GUCY1A1: variants seen among roughly 807,000 people sequenced by gnomAD.
GUCY1A1 encodes guanylate cyclase 1 soluble subunit alpha 1.
Under a neutral mutation model 64.5 loss-of-function variants are expected in GUCY1A1, and 48 were observed. That is an observed-to-expected ratio of 0.74 (90% CI 0.59 to 0.95). The LOEUF (loss-of-function observed/expected upper bound fraction) is 0.95, where lower values mean the gene tolerates loss of function less well. GUCY1A1 is among the 40% of genes least tolerant of loss of function. GUCY1A1 has a pLI of 0.00. For missense variants in GUCY1A1, 804 were observed against 825.3 expected, an observed-to-expected ratio of 0.97 and a Z score of 0.32; for synonymous variants, 308 against 303.4, an observed-to-expected ratio of 1.02 and a Z score of -0.16.
At position 155,736,388 on chromosome 4, in the gene GUCY1A1, A is replaced by G. The variant is rs1263023110; in HGVS notation, c.*6157A>G. The G allele has an allele frequency of 6.6e-6, 1 of 151,996 alleles. No homozygotes were observed. The highest frequency in any genetic ancestry group is 2.4e-5 in the African/African-American group (1 of 41,420). 9.4% of individuals were successfully genotyped at this position (151,996 alleles called of 1,614,324 possible). A position where few individuals can be genotyped will look rare whatever the true frequency, so the allele number is the denominator to read the frequency against. ...GACTATCACCCCTCCAAAAATGTGC[A>G]TATGGCCCCATACAAGACACATGTA... On this transcript the variant is annotated 3_prime_UTR_variant, in exon 10 of 10. Coordinates refer to ENST00000506455, the MANE Select transcript of GUCY1A1 (RefSeq NM_001130682.3).
At position 155,736,212 on chromosome 4, in the gene GUCY1A1, T is replaced by C. The variant is rs896675577; in HGVS notation, c.*5981T>C. 2 of 151,990 alleles carry C rather than the reference T, an allele frequency of 1.3e-5. No homozygotes were observed. Among genetic ancestry groups the C allele is most frequent in the Admixed American group, 1.3e-4 (2 of 15,228 alleles). The allele number at this position is 151,990 out of a possible 1,614,324, so 9.4% of individuals were successfully genotyped here. ...CATATACTACATATTAGGACAGCTT[T>C]TCTTTTCTAAATGAGCATGAATATA... is the stretch of plus-strand genomic sequence containing the variant. On this transcript the variant is annotated 3_prime_UTR_variant, in exon 10 of 10. Coordinates refer to ENST00000506455, the MANE Select transcript of GUCY1A1 (RefSeq NM_001130682.3).
In GUCY1A1 at chr4:155,731,409, A is replaced by C. The variant is rs1219947312; in HGVS notation, c.*1178A>C. On this transcript the variant is annotated 3_prime_UTR_variant, in exon 10 of 10. Coordinates refer to ENST00000506455, the MANE Select transcript of GUCY1A1 (RefSeq NM_001130682.3). Reference sequence around the variant, plus strand: ...TATGAAGTGTTTTTATTCTACTTGAAATATCTTGACTTAAAAAAAACGACT... The same window carrying C: ...TATGAAGTGTTTTTATTCTACTTGACATATCTTGACTTAAAAAAAACGACT... 6.6e-6 allele frequency: 1 copy of C among 151,814 alleles called. No individual in the cohort carries two copies. Among genetic ancestry groups the C allele is most frequent in the East Asian group, 1.9e-4 (1 of 5,156 alleles). 9.4% of individuals were successfully genotyped at this position (151,814 alleles called of 1,614,324 possible). A position where few individuals can be genotyped will look rare whatever the true frequency, so the allele number is the denominator to read the frequency against.
At position 155,675,460 on chromosome 4, in the gene GUCY1A1, A is replaced by G. The variant is rs1199451698; in HGVS notation, c.-113+8041A>G. 6.6e-5 allele frequency among the ~76,000 whole-genome samples: 10 copies of G among 151,732 alleles called. No individual in the cohort carries two copies. The East Asian group carries it at 1.3e-3, about 20-fold the overall frequency. On this transcript the variant is annotated intron_variant, in intron 2 of 9. Coordinates refer to ENST00000506455, the MANE Select transcript of GUCY1A1 (RefSeq NM_001130682.3). Reference sequence around the variant, plus strand: ...TCCATATATTAGATTAGCACTATACATTTGTAAATATGATTAGCAAAAGGC... The same window carrying G: ...TCCATATATTAGATTAGCACTATACGTTTGTAAATATGATTAGCAAAAGGC...
intron 5 of GUCY1A1, among the ~76,000 whole-genome samples, chr4:155,709,535 T>A (rs1189635294): frequency 6.6e-6 from 1 of 152,102 alleles, no homozygotes; most frequent in African/African-American, 2.4e-5. Flanking sequence ...CAGAAAGTAC[T>A]AAAAAAACTG....
Position 155,710,903 on chromosome 4 carries a change from G to C in GUCY1A1, c.738G>C (p.Glu246Asp). 6.2e-7 allele frequency: 1 copy of C among 1,614,050 alleles called. No individual in the cohort carries two copies. Among genetic ancestry groups the C allele is most frequent in the Non-Finnish European group, 8.5e-7 (1 of 1,179,914 alleles). The change falls in exon 6 of 10, where the codon GAG becomes GAC. Residue 246 changes from glutamate (E) to aspartate (D), a missense_variant. By Grantham distance (45) the Glu-to-Asp change is conservative (BLOSUM62 2). Coordinates refer to ENST00000506455, the MANE Select transcript of GUCY1A1 (RefSeq NM_001130682.3). ...CCTGCTTCCATAATGATTGCAGCGA[G>C]TTTGTGAATCAGCCCTACTTGTTGT... ...MPPCFHNDCS[E>D]FVNQPYLLYS...
rs1304618116 is a variant in GUCY1A1 at position 155,735,000 on chromosome 4, G to C, written c.*4769G>C. The stretch of plus-strand genomic sequence containing the variant: ...GTTTTCTTCTGTTCTTAGCACGTCA[G>C]CTAGTAGATCTTTGATGAACTGTTG... On this transcript the variant is annotated 3_prime_UTR_variant, in exon 10 of 10. Coordinates refer to ENST00000506455, the MANE Select transcript of GUCY1A1 (RefSeq NM_001130682.3). 6.6e-6 allele frequency: 1 copy of C among 151,898 alleles called. No individual in the cohort carries two copies. Among genetic ancestry groups the C allele is most frequent in the Non-Finnish European group, 1.5e-5 (1 of 67,908 alleles). The allele number at this position is 151,898 out of a possible 1,614,324, so 9.4% of individuals were successfully genotyped here.
At chr4:155,685,518 G>T (rs533376088) in intron 2 of GUCY1A1, among the ~76,000 whole-genome samples, 7 of 151,766 alleles carry the variant, frequency 4.6e-5, no homozygotes, top group African/African-American at 1.7e-4. Context: ...AGCTTTGTCT[G>T]ACCCTCTCAG....
chr4:155,691,478 TCA>T (rs777947313), intron 2 of GUCY1A1, among the ~76,000 whole-genome samples: 1 of 152,250 alleles, frequency 6.6e-6, no homozygotes, highest in Non-Finnish European at 1.5e-5. Context: ...TTCTAAGTTT[TCA>T]GTCTACCTGA....
intron 9 of GUCY1A1, among the ~76,000 whole-genome samples, chr4:155,724,944 T>C (rs1030443820): frequency 3.3e-5 from 5 of 151,946 alleles, no homozygotes; most frequent in Non-Finnish European, 5.9e-5. Context: ...AGCTTACCAA[T>C]CACCTTAAAA....
intron 9 of GUCY1A1, among the ~76,000 whole-genome samples, chr4:155,729,712 C>G (rs1735285221): frequency 6.6e-6 from 1 of 151,840 alleles, no homozygotes; most frequent in Non-Finnish European, 1.5e-5. Flanking sequence ...TGTGTGAATA[C>G]TTTGCTACTA....
chr4:155,688,271 G>T (rs1729279967), intron 2 of GUCY1A1, among the ~76,000 whole-genome samples: 1 of 151,762 alleles, frequency 6.6e-6, no homozygotes, highest in African/African-American at 2.4e-5. Flanking sequence ...CATTACAGAA[G>T]AGGGAAAATA....
chr4:155,718,281 A>G (rs116059601), intron 8 of GUCY1A1, among the ~76,000 whole-genome samples: 1,704 of 152,282 alleles, frequency 0.011, 18 homozygotes, highest in Middle Eastern at 0.02. Flanking sequence ...ATTTAAAAAC[A>G]AAACTATATT....
chr4:155,711,918 A>G (rs958742318), intron 6 of GUCY1A1, among the ~76,000 whole-genome samples: 1 of 152,222 alleles, frequency 6.6e-6, no homozygotes, highest in African/African-American at 2.4e-5. Flanking sequence ...ATATATTGAG[A>G]TGTTTAAAAA....
chr4:155,717,094 A>T, intron 7 of GUCY1A1, 65 bp from the exon 8 acceptor site: 2 of 1,141,584 alleles, frequency 1.8e-6, no homozygotes, highest in South Asian at 2.3e-5. Context: ...AATTTCTTCT[A>T]TCCGATGTAG....
intron 2 of GUCY1A1, among the ~76,000 whole-genome samples, chr4:155,691,339 T>A (rs1397533498): frequency 6.6e-6 from 1 of 152,234 alleles, no homozygotes; most frequent in Non-Finnish European, 1.5e-5. Flanking sequence ...TACTTTGTCC[T>A]GCTTTCCTGA....
At chr4:155,687,817 A>T (rs1415713492) in intron 2 of GUCY1A1, among the ~76,000 whole-genome samples, 1 of 152,158 alleles carries the variant, frequency 6.6e-6, no homozygotes, top group African/African-American at 2.4e-5. Flanking sequence ...CCACTGCCTC[A>T]GGGAACAACT....
Position 155,730,321 on chromosome 4 carries a change from T to A in GUCY1A1, c.*90T>A. 2.8e-6 allele frequency: 2 copies of A among 706,516 alleles called. No individual in the cohort carries two copies. Among genetic ancestry groups the A allele is most frequent in the South Asian group, 1.9e-5 (1 of 51,850 alleles). The allele number at this position is 706,516 out of a possible 1,614,324, so 43.8% of individuals were successfully genotyped here. A position where few individuals can be genotyped will look rare whatever the true frequency, so the allele number is the denominator to read the frequency against. ...AAGCACTTTAGGGATTGTAGATGGC[T>A]AACAAGCAGTATTAAAATTTCAGGA... On this transcript the variant is annotated 3_prime_UTR_variant, in exon 10 of 10. Coordinates refer to ENST00000506455, the MANE Select transcript of GUCY1A1 (RefSeq NM_001130682.3).
intron 2 of GUCY1A1, among the ~76,000 whole-genome samples, chr4:155,684,090 C>G (rs754348160): frequency 3.3e-5 from 5 of 152,150 alleles, no homozygotes; most frequent in Non-Finnish European, 5.9e-5. Flanking sequence ...ATGCAAATGA[C>G]TCTGTCTTTA....
chr4:155,670,367 GC>G (rs1414589128), intron 2 of GUCY1A1, among the ~76,000 whole-genome samples: 1 of 152,178 alleles, frequency 6.6e-6, no homozygotes, highest in Non-Finnish European at 1.5e-5. Context: ...TATAAGAAGA[GC>G]TTTTGTCAAT....
Sources: allele counts gnomAD v4.1 joint callset (sites outside exome capture counted in the v4.1 genomes callset), GRCh38; gene constraint gnomAD v4.1.1; transcripts MANE v1.5; gene names NCBI Gene and HGNC (gene_info 2026-07-23, HGNC 2026-07-21).